Variants in PTPRT observed in about 807,000 individuals in gnomAD.
The protein encoded by PTPRT is receptor-type tyrosine-protein phosphatase T.
Under a neutral mutation model 176.8 loss-of-function variants are expected in PTPRT, and 56 were observed. That is an observed-to-expected ratio of 0.32 (90% CI 0.26 to 0.40). The LOEUF (loss-of-function observed/expected upper bound fraction) is 0.40. PTPRT is among the 10% of genes least tolerant of loss of function. The probability of loss-of-function intolerance (pLI) is 1.00; values close to 1 mark genes in which losing one functional copy is unlikely to be tolerated. For synonymous variants in PTPRT, 783 were observed against 739.0 expected, an observed-to-expected ratio of 1.06 and a Z score of -0.96; for missense variants, 1,540 against 1,908.2, an observed-to-expected ratio of 0.81 and a Z score of 3.60.
intron 7 of PTPRT, among the ~76,000 whole-genome samples, chr20:42,495,025 A>T: frequency 6.6e-6 from 1 of 152,156 alleles, no homozygotes; most frequent in East Asian, 1.9e-4. Flanking sequence ...GGGCCTTGTC[A>T]TCCTGACTCT....
intron 6 of PTPRT, among the ~76,000 whole-genome samples, chr20:42,726,769 T>TGC (rs1332631840): frequency 2.0e-5 from 3 of 152,224 alleles, no homozygotes; most frequent in Non-Finnish European, 4.4e-5. Flanking sequence ...ATTCTCTAGA[T>TGC]GCACACACAC....
At chr20:43,098,622 C>G (rs893089950) in intron 1 of PTPRT, among the ~76,000 whole-genome samples, 6 of 151,160 alleles carry the variant, frequency 4.0e-5, no homozygotes, top group African/African-American at 1.2e-4. Flanking sequence ...GTGTCCCTGA[C>G]CTGATGGAAT....
chr20:42,373,747 C>A (rs1338578664), intron 9 of PTPRT, among the ~76,000 whole-genome samples: 2 of 152,158 alleles, frequency 1.3e-5, no homozygotes, highest in African/African-American at 2.4e-5. Flanking sequence ...TGTGGATATA[C>A]CAAAACCAGA....
chr20:42,532,987 T>G (rs1056243059), intron 7 of PTPRT, among the ~76,000 whole-genome samples: 3 of 152,124 alleles, frequency 2.0e-5, no homozygotes, highest in Admixed American at 2.0e-4. Context: ...GGGAGAGTTA[T>G]GGGAGCCCCA....
intron 1 of PTPRT, among the ~76,000 whole-genome samples, chr20:43,057,624 G>A (rs1302686846): frequency 6.6e-6 from 1 of 152,172 alleles, no homozygotes; most frequent in Non-Finnish European, 1.5e-5. Flanking sequence ...GAGAAAGCTG[G>A]GTGAATGGTA....
chr20:42,227,305 G>A (rs1401120398), intron 15 of PTPRT, among the ~76,000 whole-genome samples: 2 of 152,164 alleles, frequency 1.3e-5, no homozygotes, highest in African/African-American at 4.8e-5. Context: ...CCCCAGGGGA[G>A]GCCCTGAAGC....
intron 1 of PTPRT, among the ~76,000 whole-genome samples, chr20:42,939,389 T>C (rs1020951027): frequency 6.6e-6 from 1 of 152,174 alleles, no homozygotes; most frequent in Non-Finnish European, 1.5e-5. Context: ...GGCTCAGAAG[T>C]TGGAAAAGAT....
At chr20:42,734,168 C>T (rs140909047) in intron 6 of PTPRT, among the ~76,000 whole-genome samples, 1 of 152,258 alleles carries the variant, frequency 6.6e-6, no homozygotes, top group African/African-American at 2.4e-5. Flanking sequence ...TGGCCCCATC[C>T]CTCTGGGAGG....
intron 1 of PTPRT, among the ~76,000 whole-genome samples, chr20:43,149,186 T>C (rs1053599148): frequency 6.6e-6 from 1 of 152,240 alleles, no homozygotes; most frequent in Non-Finnish European, 1.5e-5. Context: ...CAAGATCCCT[T>C]TGTGAAGAAA....
intron 11 of PTPRT, among the ~76,000 whole-genome samples, chr20:42,348,384 T>TTATTTATG (rs1462139899): frequency 1.8e-4 from 27 of 151,356 alleles, no homozygotes; most frequent in Admixed American, 5.9e-4. Flanking sequence ...ATTTATTTAT[T>TTATTTATG]TATTTATTTA....
At chr20:42,351,816 AT>A (rs1335127268) in intron 10 of PTPRT, among the ~76,000 whole-genome samples, 1 of 152,256 alleles carries the variant, frequency 6.6e-6, no homozygotes, top group East Asian at 1.9e-4. Flanking sequence ...AATATACATT[AT>A]CTACACACAC....
At position 42,156,103 on chromosome 20, in the gene PTPRT, G is replaced by A. The variant is rs1568976561; in HGVS notation, c.2682+5249C>T. ...ATAGCTTATGCTAGCCGCTCTGCCT[G>A]GAACGCCCTTCCCTTCTTTAATTTG... is the stretch of plus-strand genomic sequence containing the variant. On this transcript the variant is annotated intron_variant, in intron 17 of 30. Coordinates refer to ENST00000373187, the MANE Select transcript of PTPRT (RefSeq NM_007050.6). Among the ~76,000 whole-genome samples the A allele has an allele frequency of 2.0e-5, 3 of 152,134 alleles. No individual in the cohort carries two copies. In the South Asian group the frequency reaches 6.2e-4, roughly 32 times the overall value.
chr20:43,105,327 C>G lies in PTPRT; in HGVS notation c.88+84319G>C, dbSNP rs570697126. Among the ~76,000 whole-genome samples the G allele has an allele frequency of 1.4e-4, 22 of 152,132 alleles. No individual in the cohort carries two copies. The East Asian group carries it at 4.1e-3, about 28-fold the overall frequency. ...ACTGCTTCCAGCTTCATCTCTCCCC[C>G]ACTTCCCCAGCCCCCTTCATAGGGA... On this transcript the variant is annotated intron_variant, in intron 1 of 30. Transcript: ENST00000373187.
At chr20:42,848,657 C>G (rs7263430) in intron 2 of PTPRT, among the ~76,000 whole-genome samples, 5,383 of 152,078 alleles carry the variant, frequency 0.035, 321 homozygotes, top group African/African-American at 0.12. Flanking sequence ...TCTTAGCCCA[C>G]TTTTTGTTGG....
At chr20:42,760,795 C>T (rs1266917177) in intron 5 of PTPRT, among the ~76,000 whole-genome samples, 1 of 152,178 alleles carries the variant, frequency 6.6e-6, no homozygotes, top group African/African-American at 2.4e-5. Context: ...CTGATATCCA[C>T]TTGGAGATGT....
At chr20:42,257,114 G>A (rs1230809090) in intron 13 of PTPRT, among the ~76,000 whole-genome samples, 1 of 152,192 alleles carries the variant, frequency 6.6e-6, no homozygotes, top group Non-Finnish European at 1.5e-5. Flanking sequence ...GGACAAGCAT[G>A]GGCTTCTTAT....
rs757045492 is a variant in PTPRT at position 43,180,661 on chromosome 20, C to T, written c.88+8985G>A. ...CATTTTTAGTAAAGACAAGGTTTCA[C>T]CATGTTGGCCAGGTTGGTCTCGAAC... On this transcript the variant is annotated intron_variant, in intron 1 of 30. Coordinates refer to ENST00000373187, the MANE Select transcript of PTPRT (RefSeq NM_007050.6). Among the ~76,000 whole-genome samples, 30 of 152,128 alleles carry T rather than the reference C, an allele frequency of 2.0e-4. No individual in the cohort carries two copies. The South Asian group carries it at 2.1e-3, about 11-fold the overall frequency.
At chr20:42,535,578 G>A (rs543878554) in intron 7 of PTPRT, among the ~76,000 whole-genome samples, 1 of 152,288 alleles carries the variant, frequency 6.6e-6, no homozygotes, top group Admixed American at 6.5e-5. Context: ...AGCTATCCAA[G>A]AACATTTTTG....
At position 42,638,479 on chromosome 20, in the gene PTPRT, C is replaced by T. The variant is rs546731704; in HGVS notation, c.1153+39387G>A. On this transcript the variant is annotated intron_variant, in intron 7 of 30. Transcript: ENST00000373187. ...TTGAGTCTATGGATAGAATATATGA[C>T]TCATATTATTCAAGTCTAAAGTTGG... Among the ~76,000 whole-genome samples the T allele has an allele frequency of 3.6e-3, 548 of 152,114 alleles. 3 individuals carry two copies. Among genetic ancestry groups the T allele is most frequent in the South Asian group, 0.01 (50 of 4,814 alleles).
Sources: allele counts gnomAD v4.1 joint callset (sites outside exome capture counted in the v4.1 genomes callset), GRCh38; gene constraint gnomAD v4.1.1; transcripts MANE v1.5; gene names NCBI Gene and HGNC (gene_info 2026-07-23, HGNC 2026-07-21).